KANK1: variants seen among roughly 807,000 people sequenced by gnomAD.
KANK1 encodes KN motif and ankyrin repeat domain-containing protein 1.
Under a neutral mutation model 106.2 loss-of-function variants are expected in KANK1, and 109 were observed. The observed-to-expected ratio is 1.03, with a 90% confidence interval of 0.88 to 1.20. The LOEUF (loss-of-function observed/expected upper bound fraction) is 1.20, where lower values mean the gene tolerates loss of function less well. Ranked by LOEUF, KANK1 falls within the 50% of genes most tolerant of loss-of-function variation. The pLI, the probability that KANK1 is intolerant of heterozygous loss-of-function variation, is 0.00. For synonymous variants in KANK1, 873 were observed against 652.2 expected, an observed-to-expected ratio of 1.34 and a Z score of -5.16; for missense variants, 2,399 against 1,710.7, an observed-to-expected ratio of 1.40 and a Z score of -7.10.
At chr9:715,568 G>T (rs1564063769) in intron 3 of KANK1, among the ~76,000 whole-genome samples, 1 of 152,180 alleles carries the variant, frequency 6.6e-6, no homozygotes, top group Non-Finnish European at 1.5e-5. Flanking sequence ...TCTATTTCCA[G>T]TCACACTGAC....
chr9:640,763 C>T (rs935624105), intron 1 of KANK1, among the ~76,000 whole-genome samples: 1 of 148,726 alleles, frequency 6.7e-6, no homozygotes, highest in South Asian at 2.1e-4. Flanking sequence ...GTGGTGCAAT[C>T]TTGGCTCACT....
At chr9:636,381 G>T (rs1216348104) in intron 1 of KANK1, among the ~76,000 whole-genome samples, 1 of 152,136 alleles carries the variant, frequency 6.6e-6, no homozygotes, top group African/African-American at 2.4e-5. Flanking sequence ...TTTCTTTTGT[G>T]TTTGATGGCT....
chr9:475,812 T>A (rs919767210), intron 3 of KANK1, among the ~76,000 whole-genome samples: 2 of 152,152 alleles, frequency 1.3e-5, no homozygotes, highest in African/African-American at 4.8e-5. Flanking sequence ...GGCGCTCCCA[T>A]CTGAAGAGAT....
rs144705548 is a variant in KANK1 at position 703,062 on chromosome 9, G to A, written c.38-7742G>A. Among the ~76,000 whole-genome samples the A allele has an allele frequency of 5.0e-3, 761 of 152,138 alleles. 8 individuals are homozygous for A. The highest frequency in any genetic ancestry group is 0.016 in the African/African-American group (651 of 41,498). On this transcript the variant is annotated intron_variant, in intron 2 of 11. Transcript: ENST00000382297. The stretch of plus-strand genomic sequence containing the variant: ...GCTGGAATGCGGTGGTGCAATCTCG[G>A]TTCACTGTAGCCTCCGCCTCCCAGG...
intron 1 of KANK1, chr9:674,184 T>C (rs1187474307): frequency 3.3e-5 from 5 of 152,124 alleles, no homozygotes; most frequent in East Asian, 1.9e-4. Flanking sequence ...CCAGTGCCTC[T>C]GTTTCCAAGA....
intron 3 of KANK1, among the ~76,000 whole-genome samples, chr9:727,674 CTT>C (rs1352344484): frequency 3.7e-5 from 5 of 136,318 alleles, no homozygotes; most frequent in African/African-American, 1.6e-4. Context: ...AGTCAGATAA[CTT>C]TTCATGTGTG....
rs1836968238 is a variant in KANK1, at chr9:745,545, A to T, written c.*310A>T. On this transcript the variant is annotated 3_prime_UTR_variant, in exon 12 of 12. Coordinates refer to ENST00000382297, the MANE Select transcript of KANK1 (RefSeq NM_015158.5). ...GGGGCACCTTCTGTTCACTCCCACA[A>T]AGTGGTGTCTGGTTCTCACTGAGAC... The T allele has an allele frequency of 4.5e-6, 1 of 221,216 alleles. No individual in the cohort carries two copies. The highest frequency in any genetic ancestry group is 2.3e-5 in the African/African-American group (1 of 43,896). 13.7% of individuals were successfully genotyped at this position (221,216 alleles called of 1,614,324 possible). A position where few individuals can be genotyped will look rare whatever the true frequency, so the allele number is the denominator to read the frequency against.
intron 1 of KANK1, among the ~76,000 whole-genome samples, chr9:536,221 A>G (rs2060292410): frequency 6.6e-6 from 1 of 152,118 alleles, no homozygotes; most frequent in Non-Finnish European, 1.5e-5. Flanking sequence ...GGCACCTGTA[A>G]TCCCAGCTAC....
In KANK1 at chr9:666,750, G is replaced by A. The variant is rs563731173; in HGVS notation, c.-83-10140G>A. On this transcript the variant is annotated intron_variant, in intron 1 of 11. Coordinates refer to ENST00000382297, the MANE Select transcript of KANK1 (RefSeq NM_015158.5). ...TAATGTGTATCACATTTACTGATTT[G>A]CATATGCTGAACCATCTTTGCATCC... Among the ~76,000 whole-genome samples, 13 of 152,108 alleles carry A rather than the reference G, an allele frequency of 8.5e-5. No homozygotes were observed. In the East Asian group the frequency reaches 2.3e-3, roughly 27 times the overall value.
At chr9:553,708 T>C (rs1412714222) in intron 1 of KANK1, among the ~76,000 whole-genome samples, 1 of 152,240 alleles carries the variant, frequency 6.6e-6, no homozygotes, top group Admixed American at 6.5e-5. Context: ...TTCAGTTTCA[T>C]ATTAGTCACC....
intron 3 of KANK1, among the ~76,000 whole-genome samples, chr9:498,744 T>A (rs1346361552): frequency 3.9e-5 from 6 of 152,190 alleles, no homozygotes; most frequent in Non-Finnish European, 4.4e-5. Flanking sequence ...TCATAGCCAC[T>A]AGGATATCTA....
intron 1 of KANK1, among the ~76,000 whole-genome samples, chr9:523,774 C>A (rs1177785179): frequency 6.6e-6 from 1 of 151,524 alleles, no homozygotes; most frequent in Non-Finnish European, 1.5e-5. Context: ...TATAACCTGT[C>A]TTCTCCTGGC....
At chr9:694,600 C>G (rs528028521) in intron 2 of KANK1, among the ~76,000 whole-genome samples, 1 of 152,258 alleles carries the variant, frequency 6.6e-6, no homozygotes, top group Non-Finnish European at 1.5e-5. Context: ...GAGAAGAGGG[C>G]CACTGTATAA....
intron 1 of KANK1, among the ~76,000 whole-genome samples, chr9:645,087 G>T (rs1051144173): frequency 1.6e-5 from 2 of 122,272 alleles, no homozygotes; most frequent in Non-Finnish European, 3.1e-5. Flanking sequence ...TCACACCACT[G>T]CACTCCAGCC....
chr9:661,482 C>G (rs989777866), intron 1 of KANK1, among the ~76,000 whole-genome samples: 3 of 152,128 alleles, frequency 2.0e-5, no homozygotes, highest in African/African-American at 7.2e-5. Flanking sequence ...GTATAGTATT[C>G]CATGGTGTAT....
chr9:572,520 C>G (rs1480378265), intron 1 of KANK1, among the ~76,000 whole-genome samples: 2 of 151,860 alleles, frequency 1.3e-5, no homozygotes, highest in Non-Finnish European at 1.5e-5. Context: ...CCACTGCACT[C>G]CAGCATGAGT....
In KANK1 at chr9:731,179, C is replaced by T. The variant is rs1832144315; in HGVS notation, c.2918C>T (p.Thr973Ile). 3 of 1,608,586 alleles carry T rather than the reference C, an allele frequency of 1.9e-6. 1 individual carries two copies. The highest frequency in any genetic ancestry group is 2.2e-5 in the South Asian group (2 of 90,758). ...ACAGCATGTACAAACAATGAAAGTA[C>T]ACTGAAGTCCATCATGAAGAAGAAA... ...GLYACTNNES[T>I]LKSIMKKKDG... The change falls in exon 5 of 12, where the codon ACA becomes ATA. Residue 973 changes from threonine (T) to isoleucine (I), a missense_variant. Transcript: ENST00000382297.
intron 1 of KANK1, among the ~76,000 whole-genome samples, chr9:540,998 A>G (rs2060566505): frequency 6.6e-6 from 1 of 152,024 alleles, no homozygotes; most frequent in South Asian, 2.1e-4. Flanking sequence ...TCCTTTTCTA[A>G]TTCCTTGAGG....
chr9:524,284 T>A (rs2059682566), intron 1 of KANK1, among the ~76,000 whole-genome samples: 1 of 151,578 alleles, frequency 6.6e-6, no homozygotes, highest in African/African-American at 2.4e-5. Flanking sequence ...CTTGATTAAG[T>A]CGTTCTGTAG....
Sources: allele counts gnomAD v4.1 joint callset (sites outside exome capture counted in the v4.1 genomes callset), GRCh38; gene constraint gnomAD v4.1.1; transcripts MANE v1.5; gene names NCBI Gene and HGNC (gene_info 2026-07-23, HGNC 2026-07-21).